CACNA1C: variants seen among roughly 807,000 people sequenced by gnomAD.
CACNA1C encodes voltage-dependent L-type calcium channel subunit alpha-1C.
CACNA1C carries 30 observed loss-of-function variants against 229.0 expected under a neutral mutation model. That is an observed-to-expected ratio of 0.13 (90% CI 0.10 to 0.18). The LOEUF (loss-of-function observed/expected upper bound fraction) is 0.18, where lower values mean the gene tolerates loss of function less well. CACNA1C is among the 10% of genes least tolerant of loss of function. The pLI is 1.00. For synonymous variants in CACNA1C, 1,114 were observed against 1,132.5 expected, an observed-to-expected ratio of 0.98 and a Z score of 0.33; for missense variants, 1,658 against 2,845.0, an observed-to-expected ratio of 0.58 and a Z score of 9.49.
At chr12:2,091,669 A>G (rs1196695217) in intron 1 of CACNA1C, among the ~76,000 whole-genome samples, 1 of 152,242 alleles carries the variant, frequency 6.6e-6, no homozygotes, top group Non-Finnish European at 1.5e-5. Flanking sequence ...CTTTTGCCAC[A>G]TAAGGTAACT....
intron 11 of CACNA1C, among the ~76,000 whole-genome samples, chr12:2,560,848 T>TAAAAAAAAAAAAAAAAAAAAA (rs36012443): frequency 2.7e-5 from 3 of 113,096 alleles, no homozygotes; most frequent in African/African-American, 1.0e-4. Context: ...TTGGTTCTGG[T>TAAAAAAAAAAAAAAAAAAAAA]AAAAAAAAAA....
chr12:2,137,410 A>G (rs572337785), intron 3 of CACNA1C, among the ~76,000 whole-genome samples: 13 of 151,286 alleles, frequency 8.6e-5, no homozygotes, highest in African/African-American at 2.9e-4. Context: ...AAAAAAAAGT[A>G]TATATATACA....
rs1321289341 is a variant in CACNA1C at position 2,152,094 on chromosome 12, A to T, written c.477+31664A>T. Among the ~76,000 whole-genome samples, 3 of 152,232 alleles carry T rather than the reference A, an allele frequency of 2.0e-5. No homozygotes were observed. The highest frequency in any genetic ancestry group is 2.9e-5 in the Non-Finnish European group (2 of 68,046). On this transcript the variant is annotated intron_variant, in intron 3 of 46. Coordinates refer to ENST00000399655, the MANE Select transcript of CACNA1C (RefSeq NM_000719.7). The surrounding 1 kb of genome is among the most constrained non-coding windows in gnomAD (Gnocchi z 4.2). ...TGGTAATGGTCATTTAGTTTCAGGA[A>T]AACATCGATGGTGCCCTTCCCTAGA...
At chr12:2,629,124 C>T (rs1250955961) in intron 29 of CACNA1C, among the ~76,000 whole-genome samples, 1 of 152,106 alleles carries the variant, frequency 6.6e-6, no homozygotes, top group African/African-American at 2.4e-5. Flanking sequence ...CAATCTCCAG[C>T]CGACTAGAAT....
rs117151655 is a variant in CACNA1C, at chr12:2,041,664, C to T, written c.139+70463C>T. 1.1e-3 allele frequency among the ~76,000 whole-genome samples: 166 copies of T among 152,300 alleles called. 4 individuals are homozygous for T. In the East Asian group the frequency reaches 0.028, roughly 26 times the overall value. ...CCAAGAATCTCAAGAAGACTACAAA[C>T]CCCAAGAAGGGAGGCATCTTGTTCA... On this transcript the variant is annotated intron_variant, in intron 1 of 46. Transcript: ENST00000682462.
At chr12:2,334,886 G>A (rs2096645517) in intron 3 of CACNA1C, among the ~76,000 whole-genome samples, 1 of 152,156 alleles carries the variant, frequency 6.6e-6, no homozygotes, top group Non-Finnish European at 1.5e-5. Flanking sequence ...TCCATTGTGT[G>A]TTCAAGAAAG....
intron 2 of CACNA1C, among the ~76,000 whole-genome samples, chr12:2,117,549 A>C (rs1596319377): frequency 6.6e-6 from 1 of 152,244 alleles, no homozygotes; most frequent in East Asian, 1.9e-4. Flanking sequence ...GGCTTGCCCT[A>C]AATCACGCAG....
chr12:2,235,865 A>G (rs1396359166), intron 3 of CACNA1C, among the ~76,000 whole-genome samples: 1 of 152,166 alleles, frequency 6.6e-6, no homozygotes, highest in Non-Finnish European at 1.5e-5. Flanking sequence ...CTGCCTGCCC[A>G]CTGTGTACAG....
intron 1 of CACNA1C, among the ~76,000 whole-genome samples, chr12:2,063,336 G>C (rs1452041111): frequency 1.3e-5 from 2 of 152,048 alleles, no homozygotes; most frequent in African/African-American, 4.8e-5. Flanking sequence ...ATTTTTAGTA[G>C]AGATGGGATT....
chr12:2,115,716 C>G (rs571427295), intron 2 of CACNA1C, among the ~76,000 whole-genome samples, 171 bp downstream of exon 2: 2 of 152,260 alleles, frequency 1.3e-5, no homozygotes, highest in South Asian at 2.1e-4. Flanking sequence ...TTCTGGGCCC[C>G]GCCCTAGACT....
intron 3 of CACNA1C, among the ~76,000 whole-genome samples, chr12:2,225,540 C>T (rs1566514492): frequency 6.6e-6 from 1 of 152,206 alleles, no homozygotes; most frequent in Non-Finnish European, 1.5e-5. Context: ...AATTGCGATA[C>T]TGCCCCCTGG....
At chr12:1,981,840 T>C (rs988554663) in intron 1 of CACNA1C, among the ~76,000 whole-genome samples, 2 of 152,118 alleles carry the variant, frequency 1.3e-5, no homozygotes, top group South Asian at 4.1e-4. Context: ...CTGGTAGAGA[T>C]TGGTCAGAAT....
At chr12:2,207,522 G>C (rs1180439256) in intron 3 of CACNA1C, among the ~76,000 whole-genome samples, 1 of 152,138 alleles carries the variant, frequency 6.6e-6, no homozygotes, top group Non-Finnish European at 1.5e-5. Context: ...TAAAAGATGA[G>C]AAATAGGCCA....
chr12:2,522,051 C>T (rs184991525), intron 9 of CACNA1C, among the ~76,000 whole-genome samples: 1 of 152,306 alleles, frequency 6.6e-6, no homozygotes, highest in African/African-American at 2.4e-5. Flanking sequence ...GTTTCTGCAC[C>T]TTTACCCATC....
chr12:2,614,363 C>T (rs1387667711), intron 29 of CACNA1C: 2 of 152,220 alleles, frequency 1.3e-5, no homozygotes, highest in African/African-American at 4.8e-5. Context: ...GTGAATTTCC[C>T]TAAAGGGGCT....
chr12:2,008,311 G>A (rs1452256764), intron 1 of CACNA1C, among the ~76,000 whole-genome samples: 2 of 151,952 alleles, frequency 1.3e-5, no homozygotes, highest in African/African-American at 4.8e-5. Flanking sequence ...TAGTGATGGG[G>A]TCTCACTACG....
At chr12:2,440,847 G>A (rs951602973) in intron 3 of CACNA1C, among the ~76,000 whole-genome samples, 1 of 152,132 alleles carries the variant, frequency 6.6e-6, no homozygotes, top group African/African-American at 2.4e-5. Context: ...CCAACTCATC[G>A]ATGCGCTGAG....
chr12:2,272,126 A>G (rs1271815053), intron 3 of CACNA1C, among the ~76,000 whole-genome samples: 4 of 152,046 alleles, frequency 2.6e-5, no homozygotes, highest in African/African-American at 9.7e-5. Context: ...CCCCTCAGTG[A>G]GTTGCTTGTC....
intron 3 of CACNA1C, among the ~76,000 whole-genome samples, chr12:2,165,999 C>T (rs2096205679): frequency 4.6e-5 from 7 of 152,296 alleles, no homozygotes; most frequent in South Asian, 2.1e-4. Context: ...GCAGAGGGCA[C>T]GTAGTTAGTG....
Sources: allele counts gnomAD v4.1 joint callset (sites outside exome capture counted in the v4.1 genomes callset), GRCh38; gene constraint gnomAD v4.1.1; non-coding constraint Gnocchi (gnomAD v3.1); transcripts MANE v1.5; gene names NCBI Gene and HGNC (gene_info 2026-07-23, HGNC 2026-07-21).